Variants in CADM2 observed in about 807,000 individuals in gnomAD.
CADM2 encodes immunoglobulin superfamily member 4D.
Under a neutral mutation model 49.8 loss-of-function variants are expected in CADM2, and 12 were observed. The observed-to-expected ratio is 0.24, with a 90% CI of 0.15 to 0.39. The LOEUF (loss-of-function observed/expected upper bound fraction) is 0.39. Ranked by LOEUF, CADM2 falls within the 10% of genes least tolerant of loss-of-function variation. CADM2 has a pLI of 1.00. For synonymous variants in CADM2, 214 were observed against 175.4 expected (o/e 1.22, Z -1.74); for missense variants, 378 against 492.3 (o/e 0.77, Z 2.20).
At chr3:85,452,233 C>T (rs887230052) in intron 1 of CADM2, among the ~76,000 whole-genome samples, 14 of 152,138 alleles carry the variant, frequency 9.2e-5, no homozygotes, top group Middle Eastern at 3.4e-3. Flanking sequence ...TGAGGCATTT[C>T]GGATTCTTTG....
At chr3:85,189,109 G>A (rs2041141081) in intron 1 of CADM2, among the ~76,000 whole-genome samples, 1 of 142,680 alleles carries the variant, frequency 7.0e-6, no homozygotes, top group African/African-American at 2.6e-5. Context: ...AATAGACGAA[G>A]GTTCTGAAGT....
chr3:85,312,213 T>TA (rs1396468144), intron 1 of CADM2, among the ~76,000 whole-genome samples: 1 of 152,058 alleles, frequency 6.6e-6, no homozygotes, highest in Non-Finnish European at 1.5e-5. Flanking sequence ...AAGTACCTCA[T>TA]AAAAAAGATA....
Position 85,937,619 on chromosome 3 carries a change from A to AT in CADM2, c.791+1763dup, listed in dbSNP as rs201200592. 5.4e-3 allele frequency among the ~76,000 whole-genome samples: 817 copies of AT among 152,092 alleles called. 28 individuals are homozygous for AT. The highest frequency in any genetic ancestry group is 0.049 in the Admixed American group (740 of 15,224). ...CTAAAGTTACTTTTGAAAAACTAGA[A>AT]TAGGACTGACAATAATTTTCATCAC... is the stretch of plus-strand genomic sequence containing the variant. On this transcript the variant is annotated intron_variant, in intron 7 of 9. Coordinates refer to ENST00000383699, the MANE Select transcript of CADM2 (RefSeq NM_001167675.2).
At chr3:85,645,614 T>C (rs974876162) in intron 1 of CADM2, among the ~76,000 whole-genome samples, 1 of 151,980 alleles carries the variant, frequency 6.6e-6, no homozygotes, top group Admixed American at 6.6e-5. Context: ...CTGTAAAAAT[T>C]TTTATACCAC....
chr3:85,406,980 C>G (rs6772750), intron 1 of CADM2, among the ~76,000 whole-genome samples: 131,438 of 152,074 alleles, frequency 0.86, 56,951 homozygotes, highest in East Asian at 0.95. Context: ...AGGATCCCTT[C>G]AGCCCAGGAG....
intron 1 of CADM2, among the ~76,000 whole-genome samples, chr3:85,585,163 C>T (rs2062903531): frequency 2.0e-5 from 3 of 151,934 alleles, no homozygotes; most frequent in Admixed American, 6.6e-5. Flanking sequence ...CCAGCATATC[C>T]ACTCTGTTGA....
intron 3 of CADM2, among the ~76,000 whole-genome samples, chr3:85,853,084 G>A (rs1373245390): frequency 6.6e-6 from 1 of 151,550 alleles, no homozygotes; most frequent in Non-Finnish European, 1.5e-5. Context: ...CTGGGACAGT[G>A]ATTTAAACAA....
chr3:85,943,850 A>G (rs9713675), intron 7 of CADM2, among the ~76,000 whole-genome samples: 9,474 of 152,162 alleles, frequency 0.062, 787 homozygotes, highest in African/African-American at 0.19. Flanking sequence ...GATGCTAAGT[A>G]GAAACTGCAT....
intron 1 of CADM2, among the ~76,000 whole-genome samples, chr3:85,675,455 T>G (rs1481912559): frequency 6.6e-6 from 1 of 152,224 alleles, no homozygotes; most frequent in Non-Finnish European, 1.5e-5. Flanking sequence ...AAAAAGATCA[T>G]GAATCAAAGT....
At chr3:85,313,014 C>T (rs1054113315) in intron 1 of CADM2, among the ~76,000 whole-genome samples, 11 of 152,128 alleles carry the variant, frequency 7.2e-5, no homozygotes, top group Admixed American at 2.6e-4. Context: ...AATTTGACAG[C>T]AGGAAAGAAA....
chr3:86,024,740 T>G (rs1219265134), intron 8 of CADM2, among the ~76,000 whole-genome samples: 1 of 152,190 alleles, frequency 6.6e-6, no homozygotes, highest in Non-Finnish European at 1.5e-5. Flanking sequence ...TTCCAAGGTC[T>G]TGCAAAATTG....
chr3:85,908,255 T>TTGC (rs1553705560), intron 5 of CADM2, among the ~76,000 whole-genome samples: 1 of 91,968 alleles, frequency 1.1e-5, no homozygotes, highest in Non-Finnish European at 2.3e-5. Flanking sequence ...TTTTTTCTTC[T>TTGC]TTTTTTTTTT....
At chr3:85,876,050 G>C (rs904410242) in intron 3 of CADM2, among the ~76,000 whole-genome samples, 4 of 152,090 alleles carry the variant, frequency 2.6e-5, no homozygotes, top group Non-Finnish European at 5.9e-5. Flanking sequence ...CGTGGTTGTT[G>C]AAATCCTGTC....
chr3:85,522,373 T>C (rs1053229660), intron 1 of CADM2, among the ~76,000 whole-genome samples: 7 of 152,174 alleles, frequency 4.6e-5, no homozygotes, highest in Non-Finnish European at 8.8e-5. Context: ...AATTAAATCA[T>C]GTTTGTAGAA....
At chr3:85,528,541 C>T (rs57671246) in intron 1 of CADM2, among the ~76,000 whole-genome samples, 1 of 151,964 alleles carries the variant, frequency 6.6e-6, no homozygotes, top group Non-Finnish European at 1.5e-5. Flanking sequence ...ACTTTTCAGT[C>T]TTCATTATGG....
intron 1 of CADM2, among the ~76,000 whole-genome samples, chr3:85,260,536 G>C (rs1273272991): frequency 1.3e-5 from 2 of 152,086 alleles, no homozygotes; most frequent in Non-Finnish European, 2.9e-5. Flanking sequence ...CTGTTGTGTT[G>C]TGTCTAAAAT....
intron 1 of CADM2, among the ~76,000 whole-genome samples, chr3:85,401,324 G>C (rs2035098682): frequency 6.6e-6 from 1 of 152,170 alleles, no homozygotes; most frequent in African/African-American, 2.4e-5. Flanking sequence ...CTCAGCCTCT[G>C]TCTGCCAGAG....
At chr3:85,048,599 G>A (rs969288254) in intron 1 of CADM2, among the ~76,000 whole-genome samples, 2 of 152,104 alleles carry the variant, frequency 1.3e-5, no homozygotes, top group East Asian at 1.9e-4. Context: ...CAATTTCAAC[G>A]AGGAGTGAGA....
intron 1 of CADM2, among the ~76,000 whole-genome samples, chr3:85,226,986 A>G (rs1450264571): frequency 6.6e-6 from 1 of 152,158 alleles, no homozygotes; most frequent in Non-Finnish European, 1.5e-5. Context: ...CTGTGGTCTA[A>G]GAGATGGTTG....
Sources: allele counts gnomAD v4.1 joint callset (sites outside exome capture counted in the v4.1 genomes callset), GRCh38; gene constraint gnomAD v4.1.1; transcripts MANE v1.5; gene names NCBI Gene and HGNC (gene_info 2026-07-23, HGNC 2026-07-21).